Variants in SH2B2 observed in about 807,000 individuals in gnomAD.
SH2B2 encodes the protein SH2B adapter protein 2.
In SH2B2, 37 loss-of-function variants were observed where a neutral mutation model predicts 35.7. The observed-to-expected ratio is 1.04, with a 90% confidence interval of 0.80 to 1.36. The LOEUF is 1.36. Among genes scored for constraint, SH2B2 ranks in the 40% most tolerant of loss-of-function variants. SH2B2 has a pLI of 0.00. For synonymous variants in SH2B2, 383 were observed against 376.4 expected (o/e 1.02, Z -0.20); for missense variants, 852 against 817.7 (o/e 1.04, Z -0.51).
rs1554554990 is a variant in SH2B2 at position 102,306,829 on chromosome 7, T to G, written c.831+7T>G. On this transcript the variant is annotated splice_region_variant and intron_variant, in intron 3 of 8. Transcript: ENST00000444095. ...TAACACATTCGTCCTCAAGGTGAGG[T>G]CTCACCCCTAACCTCAGAGATCCTC... The G allele has an allele frequency of 1.3e-6, 2 of 1,562,786 alleles. No homozygotes were observed. Among genetic ancestry groups the G allele is most frequent in the Admixed American group, 1.9e-5 (1 of 53,264 alleles).
intron 8 of SH2B2, 98 bp from the exon 9 acceptor site, chr7:102,321,201 C>T: frequency 9.1e-7 from 1 of 1,094,690 alleles, no homozygotes; most frequent in Non-Finnish European, 1.2e-6. Context: ...AACTCGGAAA[C>T]CTGAGCGTGG....
upstream of SH2B2, among the ~76,000 whole-genome samples, chr7:102,286,548 G>T (rs1554550859): frequency 1.3e-5 from 2 of 151,990 alleles, no homozygotes; most frequent in African/African-American, 4.8e-5. Context: ...GAGGAGGAGT[G>T]GGAGTCCCGC....
intron 8 of SH2B2, among the ~76,000 whole-genome samples, 191 bp downstream of exon 8, chr7:102,320,693 G>A (rs1231135408): frequency 2.0e-5 from 3 of 152,062 alleles, no homozygotes; most frequent in African/African-American, 7.2e-5. Flanking sequence ...AGAAGTGGCA[G>A]CCTAGAGGCA....
At chr7:102,315,328 G>T (rs991416385) in intron 6 of SH2B2, among the ~76,000 whole-genome samples, 1 of 151,852 alleles carries the variant, frequency 6.6e-6, no homozygotes, top group Non-Finnish European at 1.5e-5. Flanking sequence ...ATAGCAAGAC[G>T]CTATCTGTAC....
At chr7:102,304,291 A>C (rs1554554456) in intron 2 of SH2B2, among the ~76,000 whole-genome samples, 1 of 152,122 alleles carries the variant, frequency 6.6e-6, no homozygotes, top group Non-Finnish European at 1.5e-5. Context: ...AGCCCTGGTG[A>C]GTCAGGTCTC....
chr7:102,299,839 C>A (rs1793075832), intron 1 of SH2B2, among the ~76,000 whole-genome samples: 1 of 152,218 alleles, frequency 6.6e-6, no homozygotes, highest in Non-Finnish European at 1.5e-5. Flanking sequence ...AGGAATGACC[C>A]TGAGGTCCCT....
At chr7:102,307,460 C>T (rs1184308719) in intron 3 of SH2B2, among the ~76,000 whole-genome samples, 2 of 152,176 alleles carry the variant, frequency 1.3e-5, no homozygotes, top group Non-Finnish European at 2.9e-5. Flanking sequence ...CATGAAGCCC[C>T]CACCCTCTTC....
intron 1 of SH2B2, among the ~76,000 whole-genome samples, chr7:102,287,541 AG>A (rs1477975505): frequency 6.6e-6 from 1 of 152,078 alleles, no homozygotes; most frequent in African/African-American, 2.4e-5. Context: ...GGGATCGGGG[AG>A]GACCTCCTCC....
chr7:102,300,680 C>T lies in SH2B2; in HGVS notation c.130C>T (p.Arg44Cys). ...AAVDFAHKFCRFLRDNPAYDT... is the reference protein window; with the variant it reads ...AAVDFAHKFCCFLRDNPAYDT... Reference sequence around the variant, plus strand: ...CGTGGACTTTGCGCACAAGTTCTGCCGTTTCCTGCGGGACAACCCAGCTTA... The same window carrying T: ...CGTGGACTTTGCGCACAAGTTCTGCTGTTTCCTGCGGGACAACCCAGCTTA... Residue 44 changes from arginine (R) to cysteine (C), a missense_variant, in exon 2 of 9, where the codon CGT (arginine) becomes TGT (cysteine). Arg to Cys is a radical substitution (Grantham distance 180). This residue lies in a region of SH2B2 where 294 missense variants were observed against 286.6 expected (regional missense o/e 1.03). Coordinates refer to ENST00000444095, the MANE Select transcript of SH2B2 (RefSeq NM_001359228.2). 1.9e-6 allele frequency: 3 copies of T among 1,547,448 alleles called. No individual in the cohort carries two copies. Among genetic ancestry groups the T allele is most frequent in the Non-Finnish European group, 1.7e-6 (2 of 1,144,038 alleles).
At chr7:102,317,772 G>A (rs551106286) in intron 7 of SH2B2, among the ~76,000 whole-genome samples, 19 of 152,290 alleles carry the variant, frequency 1.2e-4, no homozygotes, top group African/African-American at 3.8e-4. Flanking sequence ...TCGCCCAGTG[G>A]GGGGTGGGAG....
In SH2B2 at chr7:102,320,492, C is replaced by G; in HGVS notation, c.1557C>G (p.Asp519Glu). ...TTCGCAGCTATGTGCGGGCCCAGGA[C>G]CCCCCACCAGGTAAGATGCCGCCAC... ...ITLRSYVRAQ[D>E]PPPEPGPTPP... The change falls in exon 8 of 9, where the codon GAC (aspartate) becomes GAG (glutamate). Residue 519 changes from aspartate (D) to glutamate (E), a missense_variant. Physicochemically the swap from Asp to Glu is conservative, Grantham distance 45. Transcript: ENST00000444095. 2 of 1,611,932 alleles carry G rather than the reference C, an allele frequency of 1.2e-6. No individual in the cohort carries two copies. The highest frequency in any genetic ancestry group is 1.7e-6 in the Non-Finnish European group (2 of 1,179,102).
At chr7:102,306,270 G>C (rs1793395136) in intron 2 of SH2B2, among the ~76,000 whole-genome samples, 1 of 152,158 alleles carries the variant, frequency 6.6e-6, no homozygotes, top group African/African-American at 2.4e-5. Flanking sequence ...ATATTTTTTA[G>C]TAGAGATGGG....
chr7:102,285,746 G>A (rs554217395), upstream of SH2B2, among the ~76,000 whole-genome samples: 83 of 152,364 alleles, frequency 5.4e-4, no homozygotes, highest in Admixed American at 3.5e-3. Flanking sequence ...AGGCAGCTCC[G>A]GCTGGCAAGG....
In SH2B2 at chr7:102,306,839, A is replaced by C; in HGVS notation, c.831+17A>C. ...GTCCTCAAGGTGAGGTCTCACCCCTAACCTCAGAGATCCTCCAGCTGCCCC... is the reference window on the plus strand; with the variant it reads ...GTCCTCAAGGTGAGGTCTCACCCCTCACCTCAGAGATCCTCCAGCTGCCCC... On this transcript the variant is annotated intron_variant, in intron 3 of 8. Transcript: ENST00000444095. The C allele has an allele frequency of 6.5e-7, 1 of 1,538,628 alleles. No homozygotes were observed. Among genetic ancestry groups the C allele is most frequent in the Non-Finnish European group, 8.8e-7 (1 of 1,131,078 alleles).
At chr7:102,320,217 GACACAGCCCC>G in intron 7 of SH2B2, 104 bp from the exon 8 acceptor site, 1 of 889,292 alleles carries the variant, frequency 1.1e-6, no homozygotes, top group Non-Finnish European at 1.7e-6. Context: ...CCCCGGCCCT[GACACAGCCCC>G]ATACAGCCCC....
intron 7 of SH2B2, 89 bp downstream of exon 7, chr7:102,317,484 G>T: frequency 8.0e-7 from 1 of 1,255,910 alleles, no homozygotes. Flanking sequence ...CTGTGCCCTG[G>T]AAGCAGCTGC....
At chr7:102,309,099 G>A in intron 4 of SH2B2, 193 bp downstream of exon 4, 1 of 682,522 alleles carries the variant, frequency 1.5e-6, no homozygotes, top group South Asian at 1.5e-5. Context: ...AGCAGACTCT[G>A]TGAGGCCTGC....
chr7:102,318,191 T>C (rs1554557493), intron 7 of SH2B2, among the ~76,000 whole-genome samples: 1 of 152,180 alleles, frequency 6.6e-6, no homozygotes, highest in African/African-American at 2.4e-5. Flanking sequence ...CAGGCTGGAT[T>C]GCAACATCGC....
Position 102,300,894 on chromosome 7 carries a change from C to T in SH2B2, c.344C>T (p.Ser115Leu). ...SALKAAPYGHSRSSEDVSTHA... is the reference protein window; with the variant it reads ...SALKAAPYGHLRSSEDVSTHA... Reference sequence around the variant, plus strand: ...CTCAAGGCGGCGCCCTACGGCCACTCGCGGAGCTCGGAGGACGTGTCCACG... The same window carrying T: ...CTCAAGGCGGCGCCCTACGGCCACTTGCGGAGCTCGGAGGACGTGTCCACG... Residue 115 changes from serine (S) to leucine (L), a missense_variant, in exon 2 of 9, where the codon TCG becomes TTG. By Grantham distance (145) the Ser-to-Leu change is moderately radical. This residue lies in a region of SH2B2 where 294 missense variants were observed against 286.6 expected (regional missense o/e 1.03). Coordinates refer to ENST00000444095, the MANE Select transcript of SH2B2 (RefSeq NM_001359228.2). 1.4e-6 allele frequency: 2 copies of T among 1,468,564 alleles called. No individual in the cohort carries two copies. The highest frequency in any genetic ancestry group is 1.8e-6 in the Non-Finnish European group (2 of 1,114,628). 91.0% of individuals were successfully genotyped at this position (1,468,564 alleles called of 1,614,324 possible).
Sources: allele counts gnomAD v4.1 joint callset (sites outside exome capture counted in the v4.1 genomes callset), GRCh38; gene constraint gnomAD v4.1.1; regional missense constraint gnomAD v4.1.1; transcripts MANE v1.5; gene names NCBI Gene and HGNC (gene_info 2026-07-23, HGNC 2026-07-21).